The following LHFPL3 variants were observed in gnomAD, a reference collection of about 807,000 sequenced individuals.
The protein encoded by LHFPL3 is LHFPL tetraspan subfamily member 3 protein.
A neutral mutation model predicts 19.3 loss-of-function variants in LHFPL3; 5 were observed. The observed-to-expected ratio is 0.26, with a 90% confidence interval of 0.14 to 0.54. LHFPL3 has a LOEUF of 0.54. Ranked by LOEUF, LHFPL3 falls within the 20% of genes least tolerant of loss-of-function variation. The pLI is 0.94. For synonymous variants in LHFPL3, 133 were observed against 126.2 expected, an observed-to-expected ratio of 1.05 and a Z score of -0.36; for missense variants, 249 against 307.4, an observed-to-expected ratio of 0.81 and a Z score of 1.42.
chr7:104,559,482 G>A (rs988756200), intron 1 of LHFPL3, among the ~76,000 whole-genome samples: 3 of 149,716 alleles, frequency 2.0e-5, no homozygotes, highest in Admixed American at 1.3e-4. Flanking sequence ...CTCTCTGTTT[G>A]TCTGTTGTTG....
intron 2 of LHFPL3, among the ~76,000 whole-genome samples, chr7:104,872,123 G>A (rs1791848763): frequency 6.6e-6 from 1 of 151,658 alleles, no homozygotes; most frequent in Admixed American, 6.6e-5. Flanking sequence ...TGGATCATGA[G>A]GTCAGGAGTT....
intron 1 of LHFPL3, among the ~76,000 whole-genome samples, chr7:104,551,770 T>G (rs991162849): frequency 6.6e-6 from 1 of 152,078 alleles, no homozygotes; most frequent in Non-Finnish European, 1.5e-5. Context: ...AGAAGAAAAC[T>G]AAATAATTAT....
At chr7:104,427,236 G>T (rs1390241660) in intron 1 of LHFPL3, among the ~76,000 whole-genome samples, 2 of 152,204 alleles carry the variant, frequency 1.3e-5, no homozygotes, top group Non-Finnish European at 1.5e-5. Flanking sequence ...AAAAAGACCA[G>T]TGTAGCTCTC....
intron 1 of LHFPL3, among the ~76,000 whole-genome samples, chr7:104,530,099 T>C (rs767822113): frequency 4.6e-5 from 7 of 152,188 alleles, no homozygotes; most frequent in Non-Finnish European, 1.0e-4. Flanking sequence ...AATAGTGTGA[T>C]GTTTGAGTGA....
chr7:104,467,312 G>A (rs1792809824), intron 1 of LHFPL3, among the ~76,000 whole-genome samples: 4 of 152,206 alleles, frequency 2.6e-5, no homozygotes, highest in South Asian at 4.2e-4. Context: ...CCTAGGATTG[G>A]GTAGGGGCAT....
In LHFPL3 at chr7:104,709,117, C is replaced by G. The variant is rs185547289; in HGVS notation, c.446-27558C>G. Among the ~76,000 whole-genome samples the G allele has an allele frequency of 3.6e-3, 552 of 151,966 alleles. 3 individuals are homozygous for G. The highest frequency in any genetic ancestry group is 0.013 in the African/African-American group (526 of 41,454). ...AACAACAAGGAAAATCAGTGGAGTCCCTGCATTTTAGTTTAGGGATTTTGC... is the reference window on the plus strand; with the variant it reads ...AACAACAAGGAAAATCAGTGGAGTCGCTGCATTTTAGTTTAGGGATTTTGC... On this transcript the variant is annotated intron_variant, in intron 1 of 2. Transcript: ENST00000424859.
At chr7:104,821,175 G>A (rs1790670446) in intron 2 of LHFPL3, among the ~76,000 whole-genome samples, 1 of 152,180 alleles carries the variant, frequency 6.6e-6, no homozygotes, top group African/African-American at 2.4e-5. Context: ...GACAGGAAAT[G>A]AGTCCCAAAG....
At chr7:104,648,624 T>C (rs1791973234) in intron 1 of LHFPL3, among the ~76,000 whole-genome samples, 1 of 152,212 alleles carries the variant, frequency 6.6e-6, no homozygotes. Context: ...CATTCTCTTT[T>C]AGATTAATGT....
chr7:104,478,843 T>C (rs952798011), intron 1 of LHFPL3, among the ~76,000 whole-genome samples: 6 of 152,224 alleles, frequency 3.9e-5, no homozygotes, highest in African/African-American at 1.4e-4. Flanking sequence ...GAATGTCATG[T>C]GGACACAGTG....
At chr7:104,554,631 T>TTAGA (rs1284347782) in intron 1 of LHFPL3, among the ~76,000 whole-genome samples, 1 of 141,810 alleles carries the variant, frequency 7.1e-6, no homozygotes, top group African/African-American at 2.6e-5. Flanking sequence ...ATAGGATAGA[T>TTAGA]TAGATAGACA....
In LHFPL3 at chr7:104,611,766, T is replaced by A. The variant is rs563016228; in HGVS notation, c.446-124909T>A. ...GGGGAGGAATTTACACAAGTTTCTA[T>A]GTAGGGACAATAGAATTAAGAGTAG... On this transcript the variant is annotated intron_variant, in intron 1 of 2. Coordinates refer to ENST00000424859, the MANE Select transcript of LHFPL3 (RefSeq NM_199000.3). Among the ~76,000 whole-genome samples the A allele has an allele frequency of 3.9e-5, 6 of 152,324 alleles. No individual in the cohort carries two copies. The South Asian group carries it at 1.2e-3, about 32-fold the overall frequency.
intron 1 of LHFPL3, among the ~76,000 whole-genome samples, chr7:104,585,372 C>G (rs1202447186): frequency 2.0e-5 from 3 of 152,052 alleles, no homozygotes; most frequent in African/African-American, 7.2e-5. Flanking sequence ...GCACAGGGCT[C>G]TTCAGCATTC....
At chr7:104,732,916 T>G (rs1327990798) in intron 1 of LHFPL3, among the ~76,000 whole-genome samples, 1 of 152,228 alleles carries the variant, frequency 6.6e-6, no homozygotes. Context: ...GAGATTCTGG[T>G]ATGTTGTGTC....
rs74301011 is a variant in LHFPL3 at position 104,615,456 on chromosome 7, T to C, written c.446-121219T>C. Among the ~76,000 whole-genome samples the C allele has an allele frequency of 4.1e-3, 622 of 152,042 alleles. 34 individuals are homozygous for C. In the East Asian group the frequency reaches 0.1, roughly 24 times the overall value. ...TAGAAAAATAGTTCTAACAGAAGAG[T>C]TTAATTATTTGCAGAAGCTGAAACA... is the stretch of plus-strand genomic sequence containing the variant. On this transcript the variant is annotated intron_variant, in intron 1 of 2. Coordinates refer to ENST00000424859, the MANE Select transcript of LHFPL3 (RefSeq NM_199000.3).
intron 1 of LHFPL3, among the ~76,000 whole-genome samples, chr7:104,654,893 T>C (rs535391922): frequency 3.3e-5 from 5 of 152,308 alleles, no homozygotes; most frequent in Admixed American, 3.3e-4. Flanking sequence ...GACTTTCTTA[T>C]ACACAGAGGT....
At chr7:104,568,509 TTTG>T (rs1790165219) in intron 1 of LHFPL3, among the ~76,000 whole-genome samples, 1 of 152,184 alleles carries the variant, frequency 6.6e-6, no homozygotes, top group African/African-American at 2.4e-5. Context: ...ACATAATGAA[TTTG>T]TTGCACAGTT....
At chr7:104,820,749 C>A (rs886865155) in intron 2 of LHFPL3, among the ~76,000 whole-genome samples, 1 of 152,162 alleles carries the variant, frequency 6.6e-6, no homozygotes, top group Non-Finnish European at 1.5e-5. Context: ...TTAACCACCC[C>A]CCCAGACCAA....
At chr7:104,805,920 T>C (rs1790352144) in intron 2 of LHFPL3, among the ~76,000 whole-genome samples, 1 of 152,242 alleles carries the variant, frequency 6.6e-6, no homozygotes, top group South Asian at 2.1e-4. Flanking sequence ...CTGTGGATTC[T>C]GTGATTCCAC....
intron 2 of LHFPL3, among the ~76,000 whole-genome samples, chr7:104,834,027 A>G (rs1182302563): frequency 6.7e-6 from 1 of 150,230 alleles, no homozygotes; most frequent in Non-Finnish European, 1.5e-5. Context: ...GTTTGAGGGC[A>G]GGAAGCATCT....
Sources: allele counts gnomAD v4.1 joint callset (sites outside exome capture counted in the v4.1 genomes callset), GRCh38; gene constraint gnomAD v4.1.1; transcripts MANE v1.5; gene names NCBI Gene and HGNC (gene_info 2026-07-23, HGNC 2026-07-21).